Variants in TIAM1 observed in about 807,000 individuals in gnomAD.
The protein encoded by TIAM1 is TIAM Rac1 associated GEF 1, also known as rho guanine nucleotide exchange factor TIAM1.
TIAM1 carries 65 observed loss-of-function variants against 163.5 expected under a neutral mutation model. That is an observed-to-expected ratio of 0.40 (90% CI 0.33 to 0.49). The LOEUF (loss-of-function observed/expected upper bound fraction) is 0.49, where lower values mean the gene tolerates loss of function less well. Among genes scored for constraint, TIAM1 ranks in the 20% least tolerant of loss-of-function variants. The pLI is 0.77. For missense variants in TIAM1, 1,789 were observed against 2,044.7 expected (o/e 0.87, Z 2.41); for synonymous variants, 833 against 810.1 (o/e 1.03, Z -0.48).
At chr21:31,179,165 TC>T (rs2084900553) in intron 15 of TIAM1, among the ~76,000 whole-genome samples, 1 of 150,702 alleles carries the variant, frequency 6.6e-6, no homozygotes, top group South Asian at 2.2e-4. Flanking sequence ...GGCGGGCAGA[TC>T]ACCCGATTTC....
chr21:31,508,387 CTTTTTTT>C (rs200164021), intron 1 of TIAM1, among the ~76,000 whole-genome samples: 1 of 126,560 alleles, frequency 7.9e-6, no homozygotes, highest in African/African-American at 2.9e-5. Context: ...ATTGAAATTT[CTTTTTTT>C]TTTTTTTTTT....
Position 31,146,087 on chromosome 21 carries a change from A to G in TIAM1, c.3475+808T>C, listed in dbSNP as rs528840773. Among the ~76,000 whole-genome samples, 5 of 152,288 alleles carry G rather than the reference A, an allele frequency of 3.3e-5. No homozygotes were observed. In the South Asian group the frequency reaches 1.0e-3, roughly 32 times the overall value. On this transcript the variant is annotated intron_variant, in intron 20 of 27. Transcript: ENST00000541036. Reference sequence around the variant, plus strand: ...CCCTACGTTTTTACATAACTGCAAAATGACCCATCAATTCTGGCCCCAAAT... The same window carrying G: ...CCCTACGTTTTTACATAACTGCAAAGTGACCCATCAATTCTGGCCCCAAAT...
intron 4 of TIAM1, among the ~76,000 whole-genome samples, chr21:31,264,587 T>C (rs1267222038): frequency 2.6e-5 from 4 of 152,176 alleles, no homozygotes; most frequent in Admixed American, 1.3e-4. Flanking sequence ...GGAGCCAAAA[T>C]ATCCGGCTTG....
chr21:31,442,423 G>A (rs562638780), intron 2 of TIAM1, among the ~76,000 whole-genome samples: 58 of 151,940 alleles, frequency 3.8e-4, no homozygotes, highest in African/African-American at 1.2e-3. Context: ...AGTGGAGACA[G>A]GGTTTCACCA....
At chr21:31,222,699 ATATATATATTTTTTTTTTTT>A (rs2087656211) in intron 8 of TIAM1, among the ~76,000 whole-genome samples, 1 of 39,796 alleles carries the variant, frequency 2.5e-5, no homozygotes, top group African/African-American at 1.4e-4. Context: ...ATATATATAT[ATATATATATTTTTTTTTTTT>A]TTTTTTTTTT....
intron 16 of TIAM1, chr21:31,160,332 G>A (rs1307093851): frequency 3.5e-5 from 14 of 397,032 alleles, no homozygotes; most frequent in Non-Finnish European, 4.9e-5. Flanking sequence ...GACAGAATAC[G>A]GGGAAATGGG....
chr21:31,265,004 T>G (rs1260362093), intron 4 of TIAM1, among the ~76,000 whole-genome samples: 1 of 151,936 alleles, frequency 6.6e-6, no homozygotes, highest in African/African-American at 2.4e-5. Flanking sequence ...TACTCCACAT[T>G]TCTTTCTTTC....
intron 2 of TIAM1, among the ~76,000 whole-genome samples, chr21:31,315,166 T>C (rs1197608949): frequency 6.6e-6 from 1 of 151,448 alleles, no homozygotes; most frequent in Non-Finnish European, 1.5e-5. Context: ...AAGTCAAGAG[T>C]TGGAGACCAG....
At chr21:31,160,103 T>C (rs551133471) in intron 16 of TIAM1, among the ~76,000 whole-genome samples, 216 of 151,962 alleles carry the variant, frequency 1.4e-3, no homozygotes, top group Non-Finnish European at 2.6e-3. Flanking sequence ...CAAAACACAA[T>C]CAAAATCTCA....
chr21:31,549,622 G>A (rs1021898737), intron 1 of TIAM1, among the ~76,000 whole-genome samples: 4 of 152,172 alleles, frequency 2.6e-5, no homozygotes, highest in African/African-American at 4.8e-5. Flanking sequence ...AGATACAGCC[G>A]CTCATCCAAT....
At chr21:31,501,031 A>G (rs968212964) in intron 1 of TIAM1, among the ~76,000 whole-genome samples, 2 of 152,142 alleles carry the variant, frequency 1.3e-5, no homozygotes, top group African/African-American at 4.8e-5. Flanking sequence ...CTTTGCTAAC[A>G]CGCCCTGGCA....
chr21:31,544,496 T>C (rs1396798451), intron 1 of TIAM1, among the ~76,000 whole-genome samples: 1 of 147,224 alleles, frequency 6.8e-6, no homozygotes, highest in Non-Finnish European at 1.5e-5. Context: ...GGCACGATGG[T>C]GGGCGCCTGT....
intron 1 of TIAM1, among the ~76,000 whole-genome samples, chr21:31,526,553 GATATGACA>G: frequency 6.6e-6 from 1 of 152,164 alleles, no homozygotes; most frequent in Middle Eastern, 3.4e-3. Flanking sequence ...TTTCTAAGAC[GATATGACA>G]ATGCTTTCCC....
rs150302552 is a variant in TIAM1 at position 31,204,279 on chromosome 21, A to G, written c.2389-1267T>C. On this transcript the variant is annotated intron_variant, in intron 11 of 27. Coordinates refer to ENST00000541036, the MANE Select transcript of TIAM1 (RefSeq NM_001353694.2). Reference sequence around the variant, plus strand: ...ATAATGTCTGGAATTTGCTTCCAAAACAAATAAGAGTTGGGGGTGGGAGTG... The same window carrying G: ...ATAATGTCTGGAATTTGCTTCCAAAGCAAATAAGAGTTGGGGGTGGGAGTG... Among the ~76,000 whole-genome samples the G allele has an allele frequency of 1.1e-3, 170 of 152,314 alleles. 1 individual carries two copies. Among genetic ancestry groups the G allele is most frequent in the African/African-American group, 3.6e-3 (149 of 41,560 alleles).
chr21:31,287,963 T>C (rs540469779), intron 2 of TIAM1, among the ~76,000 whole-genome samples: 9 of 151,894 alleles, frequency 5.9e-5, no homozygotes, highest in Admixed American at 5.2e-4. Context: ...GAATGACAGG[T>C]AGGATCACCA....
chr21:31,337,518 G>GTTATTATTGTTGTTATTATTATTA (rs1555946484), intron 2 of TIAM1, among the ~76,000 whole-genome samples: 41 of 147,270 alleles, frequency 2.8e-4, no homozygotes, highest in African/African-American at 1.0e-3. Flanking sequence ...TATTATTGTT[G>GTTATTATTGTTGTTATTATTATTA]TTATTATTAT....
intron 1 of TIAM1, among the ~76,000 whole-genome samples, chr21:31,509,531 C>T (rs922640853): frequency 4.6e-5 from 7 of 152,328 alleles, no homozygotes; most frequent in Admixed American, 6.5e-5. Context: ...AACACCCACA[C>T]CCAGGCAGGA....
At chr21:31,309,792 T>C (rs2074854899) in intron 2 of TIAM1, among the ~76,000 whole-genome samples, 1 of 152,170 alleles carries the variant, frequency 6.6e-6, no homozygotes, top group South Asian at 2.1e-4. Flanking sequence ...TCAACTAAAA[T>C]CCATCATGCG....
At chr21:31,285,813 A>T (rs1288837411) in intron 2 of TIAM1, among the ~76,000 whole-genome samples, 1 of 152,104 alleles carries the variant, frequency 6.6e-6, no homozygotes, top group African/African-American at 2.4e-5. Flanking sequence ...GTGAGCGAAG[A>T]TCACACCATT....
Sources: gnomAD v4.1 joint callset for allele counts (sites outside exome capture counted in the v4.1 genomes callset) on GRCh38, gnomAD v4.1.1 for gene constraint, MANE v1.5 for transcripts, NCBI Gene and HGNC (gene_info 2026-07-23, HGNC 2026-07-21) for gene names.